Variants in MALRD1 observed in about 807,000 individuals in gnomAD.
MALRD1 encodes the protein MAM and LDL receptor class A domain containing 1, also known as MAM and LDL-receptor class A domain-containing protein 1.
A neutral mutation model predicts 242.1 loss-of-function variants in MALRD1; 247 were observed. That is an observed-to-expected ratio of 1.02 (90% confidence interval 0.92 to 1.13). The LOEUF (loss-of-function observed/expected upper bound fraction) is 1.13, where lower values mean the gene tolerates loss of function less well. Among genes scored for constraint, MALRD1 ranks in the 50% most tolerant of loss-of-function variants. The pLI is 0.00. For synonymous variants in MALRD1, 995 were observed against 866.6 expected (o/e 1.15, Z -2.60); for missense variants, 2,989 against 2,533.1 (o/e 1.18, Z -3.86).
At chr10:19,133,971 A>T (rs1183615815) in intron 9 of MALRD1, 23 bp downstream of exon 9, 1 of 1,133,596 alleles carries the variant, frequency 8.8e-7, no homozygotes. Context: ...AAAAAAAAGT[A>T]TTTTTTTATC....
intron 14 of MALRD1, among the ~76,000 whole-genome samples, chr10:19,177,240 A>G (rs997375175): frequency 6.7e-6 from 1 of 150,304 alleles, no homozygotes; most frequent in Non-Finnish European, 1.5e-5. Context: ...AGATCGCGCC[A>G]CTGCACTCAA....
At chr10:19,175,952 C>T (rs1214623994) in intron 14 of MALRD1, among the ~76,000 whole-genome samples, 2 of 152,054 alleles carry the variant, frequency 1.3e-5, no homozygotes. Context: ...AAAACCTAAT[C>T]ATTATTTAGA....
At chr10:19,528,346 G>T (rs1180272751) in intron 31 of MALRD1, among the ~76,000 whole-genome samples, 1 of 152,178 alleles carries the variant, frequency 6.6e-6, no homozygotes, top group African/African-American at 2.4e-5. Flanking sequence ...TGTAATCCCA[G>T]CACTTTGGGA....
intron 31 of MALRD1, among the ~76,000 whole-genome samples, chr10:19,515,032 A>C (rs1328228931): frequency 6.6e-6 from 1 of 152,028 alleles, no homozygotes; most frequent in Admixed American, 6.6e-5. Context: ...TTTGTTTTAT[A>C]CTTTTTTCTT....
intron 38 of MALRD1, among the ~76,000 whole-genome samples, chr10:19,697,828 TC>T (rs1484625631): frequency 6.6e-6 from 1 of 152,162 alleles, no homozygotes; most frequent in Non-Finnish European, 1.5e-5. Flanking sequence ...ATTTACCCTT[TC>T]CCTATTTCTT....
chr10:19,151,196 T>C (rs1833933419), intron 11 of MALRD1, among the ~76,000 whole-genome samples: 1 of 152,126 alleles, frequency 6.6e-6, no homozygotes. Flanking sequence ...TTTTCAAGTG[T>C]TTCCAATGTC....
At chr10:19,111,864 G>A (rs1205710892) in intron 5 of MALRD1, among the ~76,000 whole-genome samples, 6 of 152,166 alleles carry the variant, frequency 3.9e-5, no homozygotes, top group African/African-American at 1.4e-4. Context: ...GGAAAACACA[G>A]CAGCATGAAG....
At chr10:19,540,496 G>C (rs1290966099) in intron 32 of MALRD1, among the ~76,000 whole-genome samples, 1 of 152,146 alleles carries the variant, frequency 6.6e-6, no homozygotes, top group Non-Finnish European at 1.5e-5. Context: ...TGCATAAAGA[G>C]TTTCTAATAA....
chr10:19,305,881 A>G (rs1277930843), intron 21 of MALRD1, among the ~76,000 whole-genome samples: 1 of 131,128 alleles, frequency 7.6e-6, no homozygotes, highest in Admixed American at 8.6e-5. Flanking sequence ...TATATAATAT[A>G]TATAATATAT....
chr10:19,719,219 CATACATATATATAT>C (rs1834600591), intron 38 of MALRD1, among the ~76,000 whole-genome samples: 2 of 30,308 alleles, frequency 6.6e-5, no homozygotes, highest in African/African-American at 1.5e-4. Context: ...TATACACATA[CATACATATATATAT>C]ATATATATAT....
chr10:19,306,250 A>G (rs1469959488), intron 21 of MALRD1, among the ~76,000 whole-genome samples: 2 of 131,696 alleles, frequency 1.5e-5, no homozygotes, highest in Non-Finnish European at 3.2e-5. Flanking sequence ...TATATACTAT[A>G]CTATAGTATA....
chr10:19,692,530 T>C lies in MALRD1; in HGVS notation c.6290T>C (p.Leu2097Pro). 6.5e-7 allele frequency: 1 copy of C among 1,535,800 alleles called. No homozygotes were observed. Among genetic ancestry groups the C allele is most frequent in the African/African-American group, 1.4e-5 (1 of 73,112 alleles). Residue 2097 changes from leucine (L) to proline (P), a missense_variant, in exon 38 of 40, where the codon CTT becomes CCT. Leu to Pro is a moderately conservative substitution (Grantham distance 98). Coordinates refer to ENST00000454679, the MANE Select transcript of MALRD1 (RefSeq NM_001142308.3). ...ATCACAGTTGCAGTCTTGTGTTTTC[T>C]TGCAAACAGAAAGGTACCAATAAGG... Reference protein sequence around the residue: ...THITVAVLCFLANRKVPIRKT... With the variant: ...THITVAVLCFPANRKVPIRKT...
chr10:19,302,379 C>A (rs943168310), intron 21 of MALRD1, among the ~76,000 whole-genome samples: 1 of 151,854 alleles, frequency 6.6e-6, no homozygotes, highest in South Asian at 2.1e-4. Flanking sequence ...AATGTGGCCA[C>A]TACTCAGTGA....
chr10:19,530,404 T>TATAAATAGATA (rs1564417318), intron 31 of MALRD1, among the ~76,000 whole-genome samples: 1 of 19,280 alleles, frequency 5.2e-5, no homozygotes, highest in Admixed American at 8.8e-4. Context: ...ATAAATATTA[T>TATAAATAGATA]ATATTTATAT....
chr10:19,105,115 C>T (rs1836418400), intron 5 of MALRD1, among the ~76,000 whole-genome samples: 1 of 151,908 alleles, frequency 6.6e-6, no homozygotes, highest in South Asian at 2.1e-4. Flanking sequence ...ATTTATTCCT[C>T]CAATCTCTCG....
chr10:19,634,736 A>G (rs935653413), intron 36 of MALRD1, among the ~76,000 whole-genome samples: 11 of 152,178 alleles, frequency 7.2e-5, no homozygotes, highest in Admixed American at 2.0e-4. Context: ...TTGCACAGCT[A>G]AAAAATAATC....
chr10:19,127,807 A>G (rs74477644), intron 7 of MALRD1, among the ~76,000 whole-genome samples: 14,058 of 152,074 alleles, frequency 0.092, 768 homozygotes, highest in Middle Eastern at 0.14. Context: ...GATTTTCTAC[A>G]AAAAGTAAAT....
At chr10:19,650,509 C>T (rs1441082272) in intron 36 of MALRD1, among the ~76,000 whole-genome samples, 1 of 152,134 alleles carries the variant, frequency 6.6e-6, no homozygotes. Flanking sequence ...AGACAACTAA[C>T]ACCTTATAGA....
intron 33 of MALRD1, among the ~76,000 whole-genome samples, chr10:19,573,672 G>A (rs1046189952): frequency 6.6e-6 from 1 of 152,104 alleles, no homozygotes; most frequent in Non-Finnish European, 1.5e-5. Context: ...TCAGGATTTA[G>A]GAATATGCCT....
Sources: allele counts gnomAD v4.1 joint callset (sites outside exome capture counted in the v4.1 genomes callset), GRCh38; gene constraint gnomAD v4.1.1; transcripts MANE v1.5; gene names NCBI Gene and HGNC (gene_info 2026-07-23, HGNC 2026-07-21).